Variants in NUCB1 observed in about 807,000 individuals in gnomAD.
NUCB1 encodes the protein nucleobindin 1, also known as nucleobindin-1.
In NUCB1, 47 loss-of-function variants were observed where a neutral mutation model predicts 61.2. That is an observed-to-expected ratio of 0.77 (90% CI 0.61 to 0.98). The LOEUF (loss-of-function observed/expected upper bound fraction) is 0.98. Ranked by LOEUF, NUCB1 falls within the 50% of genes least tolerant of loss-of-function variation. The probability of loss-of-function intolerance (pLI) is 0.00; values close to 1 mark genes in which losing one functional copy is unlikely to be tolerated. For missense variants in NUCB1, 583 were observed against 605.3 expected (o/e 0.96, Z 0.39); for synonymous variants, 234 against 243.1 (o/e 0.96, Z 0.35).
chr19:48,909,873 C>T (rs2037453160), intron 4 of NUCB1, among the ~76,000 whole-genome samples: 1 of 151,756 alleles, frequency 6.6e-6, no homozygotes, highest in African/African-American at 2.4e-5. Context: ...GGTCACCAAT[C>T]ATGTTGGATT....
chr19:48,900,656 T>C (rs914587266), intron 1 of NUCB1, 130 bp from the exon 2 acceptor site: 3 of 1,267,882 alleles, frequency 2.4e-6, no homozygotes, highest in Non-Finnish European at 3.3e-6. Flanking sequence ...TCCTGGGGCC[T>C]GGGTAACAAA....
At chr19:48,912,143 C>T (rs1360603345) in intron 5 of NUCB1, among the ~76,000 whole-genome samples, 1 of 151,442 alleles carries the variant, frequency 6.6e-6, no homozygotes, top group African/African-American at 2.4e-5. Context: ...TCCCACCTGA[C>T]CCTCCTGAGT....
At chr19:48,905,668 C>A in intron 3 of NUCB1, 85 bp from the exon 4 acceptor site, 2 of 1,522,938 alleles carry the variant, frequency 1.3e-6, no homozygotes, top group South Asian at 1.2e-5. Flanking sequence ...CAGTATAAGA[C>A]TGGGGCATGA....
chr19:48,918,842 C>A (rs1157948011), intron 8 of NUCB1, 58 bp downstream of exon 8: 2 of 1,489,080 alleles, frequency 1.3e-6, no homozygotes, highest in Non-Finnish European at 1.9e-6. Flanking sequence ...CCACTTGTTT[C>A]CTCCTGCAGT....
At chr19:48,917,862 G>A (rs554252613) in intron 7 of NUCB1, among the ~76,000 whole-genome samples, 1 of 139,594 alleles carries the variant, frequency 7.2e-6, no homozygotes, top group East Asian at 2.4e-4. Context: ...AGCTGGTCTC[G>A]AACTTAATGT....
intron 10 of NUCB1, among the ~76,000 whole-genome samples, 177 bp from the exon 11 acceptor site, chr19:48,920,977 C>T (rs370238575): frequency 4.6e-5 from 7 of 152,204 alleles, no homozygotes; most frequent in African/African-American, 1.2e-4. Flanking sequence ...CCATGGTGCC[C>T]GGCCTTGTCT....
rs1391572011 is a variant in NUCB1 at position 48,921,905 on chromosome 19, G to T, written c.1252G>T (p.Gly418Trp). ...GHKAPAAHPE[G>W]QLKFHPDTDD... ...CAAGGCCCCGGCTGCCCACCCTGAG[G>T]GGCAGCTCAAGTTCCACCCAGACAC... Residue 418 changes from glycine (G) to tryptophan (W), a missense_variant, in exon 12 of 13, where the codon GGG becomes TGG. Physicochemically the swap from Gly to Trp is radical, Grantham distance 184. Coordinates refer to ENST00000405315, the MANE Select transcript of NUCB1 (RefSeq NM_006184.6). The T allele has an allele frequency of 1.9e-6, 3 of 1,608,982 alleles. No homozygotes were observed. In the African/African-American group the frequency reaches 4.0e-5, roughly 22 times the overall value.
At chr19:48,916,044 C>T (rs992530875) in intron 7 of NUCB1, among the ~76,000 whole-genome samples, 1 of 152,116 alleles carries the variant, frequency 6.6e-6, no homozygotes, top group Non-Finnish European at 1.5e-5. Context: ...CAACCGAAAC[C>T]GTATCCATTA....
chr19:48,915,044 C>T (rs2037523745), intron 7 of NUCB1, among the ~76,000 whole-genome samples: 1 of 151,722 alleles, frequency 6.6e-6, no homozygotes, highest in African/African-American at 2.4e-5. Flanking sequence ...CGTGCCATTG[C>T]ACTGCAGCCT....
At position 48,904,417 on chromosome 19, in the gene NUCB1, G is replaced by A. The variant is rs770526304; in HGVS notation, c.206G>A (p.Arg69Gln). The A allele has an allele frequency of 1.4e-5, 22 of 1,613,536 alleles. No individual in the cohort carries two copies. Among genetic ancestry groups the A allele is most frequent in the Admixed American group, 1.7e-5 (1 of 59,964 alleles). ...GTACTGGAGACGGATGGGCATTTCCGAGAGAAGCTGCAGGCTGCCAATGCG... is the reference window on the plus strand; with the variant it reads ...GTACTGGAGACGGATGGGCATTTCCAAGAGAAGCTGCAGGCTGCCAATGCG... ...IDVLETDGHF[R>Q]EKLQAANAED... Residue 69 changes from arginine to glutamine, a missense_variant, in exon 3 of 13, where the codon CGA becomes CAA. Coordinates refer to ENST00000405315, the MANE Select transcript of NUCB1 (RefSeq NM_006184.6).
Position 48,922,657 on chromosome 19 carries a change from C to T in NUCB1, c.*233C>T, listed in dbSNP as rs912720486. 25 of 514,918 alleles carry T rather than the reference C, an allele frequency of 4.9e-5. No individual in the cohort carries two copies. Among genetic ancestry groups the T allele is most frequent in the Admixed American group, 2.3e-4 (7 of 31,106 alleles). 31.9% of individuals were successfully genotyped at this position (514,918 alleles called of 1,614,324 possible). A position where few individuals can be genotyped will look rare whatever the true frequency, so the allele number is the denominator to read the frequency against. On this transcript the variant is annotated 3_prime_UTR_variant, in exon 13 of 13. Transcript: ENST00000405315. ...GTCCTCCGAGGGGCTTGCCTTCTCT[C>T]GTGTCCAGTGAGGTGCTCAGTGATC... is the stretch of plus-strand genomic sequence containing the variant.
chr19:48,903,433 A>ATGG (rs2037373694), intron 2 of NUCB1, among the ~76,000 whole-genome samples: 1 of 46,498 alleles, frequency 2.2e-5, no homozygotes, highest in Non-Finnish European at 3.7e-5. Context: ...TGGGTGGATG[A>ATGG]GTGGATGGAT....
intron 4 of NUCB1, among the ~76,000 whole-genome samples, chr19:48,909,250 T>TTA (rs200961234): frequency 0.024 from 2,320 of 95,886 alleles, 55 homozygotes; most frequent in African/African-American, 0.16. Context: ...ATTATTATTA[T>TTA]TTTTTTTTTT....
chr19:48,917,805 A>AC (rs1177460399), intron 7 of NUCB1, among the ~76,000 whole-genome samples: 2 of 129,802 alleles, frequency 1.5e-5, no homozygotes, highest in Non-Finnish European at 3.3e-5. Flanking sequence ...CCAATTTTTT[A>AC]CTTTTTTTTT....
chr19:48,912,988 A>G (rs749645015), intron 5 of NUCB1, 23 bp from the exon 6 acceptor site: 3 of 1,572,054 alleles, frequency 1.9e-6, no homozygotes, highest in Non-Finnish European at 2.6e-6. Context: ...GGCAGAGGGG[A>G]ATGACCCTGT....
Position 48,916,171 on chromosome 19 carries a change from CGTGT to C in NUCB1, c.758-2530_758-2527del, listed in dbSNP as rs143557740. ...GCAAGTAGAATCTTTTGGTATTTGT[CGTGT>C]GTGTGTGTGTGTGTGTGTGTGTGTT... is the stretch of plus-strand genomic sequence containing the variant. On this transcript the variant is annotated intron_variant, in intron 7 of 12. Transcript: ENST00000405315. Among the ~76,000 whole-genome samples, 237 of 147,772 alleles carry C rather than the reference CGTGT, an allele frequency of 1.6e-3. 1 individual carries two copies. The highest frequency in any genetic ancestry group is 4.9e-3 in the African/African-American group (199 of 40,320).
intron 10 of NUCB1, 149 bp downstream of exon 10, chr19:48,919,435 C>T: frequency 1.9e-6 from 1 of 516,274 alleles, no homozygotes; most frequent in Non-Finnish European, 3.5e-6. Context: ...TCTCTGTTTT[C>T]CCCTGTCTCT....
intron 4 of NUCB1, among the ~76,000 whole-genome samples, chr19:48,910,327 T>C (rs2037458180): frequency 1.3e-5 from 2 of 150,702 alleles, no homozygotes; most frequent in Admixed American, 1.3e-4. Context: ...CCGCCCCCCT[T>C]GGCCTCCCAA....
At chr19:48,914,492 C>T (rs891827948) in intron 7 of NUCB1, among the ~76,000 whole-genome samples, 1 of 152,022 alleles carries the variant, frequency 6.6e-6, no homozygotes, top group East Asian at 1.9e-4. Context: ...GTCAAGACCC[C>T]GTGGATACAA....
Sources: gnomAD v4.1 joint callset for allele counts (sites outside exome capture counted in the v4.1 genomes callset) on GRCh38, gnomAD v4.1.1 for gene constraint, MANE v1.5 for transcripts, NCBI Gene and HGNC (gene_info 2026-07-23, HGNC 2026-07-21) for gene names.